MLPH: variants seen among roughly 807,000 people sequenced by gnomAD.
The protein encoded by MLPH is melanophilin.
In MLPH, 51 loss-of-function variants were observed where a neutral mutation model predicts 72.1. The observed-to-expected ratio is 0.71, with a 90% CI of 0.56 to 0.89. The LOEUF is 0.89. Ranked by LOEUF, MLPH falls within the 40% of genes least tolerant of loss-of-function variation. The pLI, the probability that MLPH is intolerant of heterozygous loss-of-function variation, is 0.00. For synonymous variants in MLPH, 301 were observed against 310.1 expected (o/e 0.97, Z 0.31); for missense variants, 743 against 759.9 (o/e 0.98, Z 0.26).
intron 5 of MLPH, 79 bp from the exon 6 acceptor site, chr2:237,519,831 T>C (rs1462603046): frequency 1.5e-5 from 24 of 1,604,498 alleles, no homozygotes; most frequent in Non-Finnish European, 8.5e-7. Context: ...GAGTGTGGGG[T>C]TGGGGAGGTG....
chr2:237,551,264 C>T (rs1428129741), intron 14 of MLPH, among the ~76,000 whole-genome samples: 2 of 152,252 alleles, frequency 1.3e-5, no homozygotes, highest in African/African-American at 2.4e-5. Flanking sequence ...GGAGGGCCGG[C>T]AGGCCAGGCC....
intron 4 of MLPH, among the ~76,000 whole-genome samples, chr2:237,513,730 G>A (rs1270527837): frequency 6.6e-6 from 1 of 151,974 alleles, no homozygotes. Flanking sequence ...TGACAGGTGG[G>A]TCCCCAGGCC....
intron 8 of MLPH, among the ~76,000 whole-genome samples, chr2:237,533,834 G>C (rs2080476134): frequency 1.3e-5 from 2 of 152,228 alleles, no homozygotes; most frequent in South Asian, 4.1e-4. Context: ...TGTTCTTCGG[G>C]CAGATTTGCC....
intron 6 of MLPH, 69 bp downstream of exon 6, chr2:237,520,098 G>C: frequency 6.2e-7 from 1 of 1,604,736 alleles, no homozygotes; most frequent in Non-Finnish European, 8.5e-7. Context: ...CAGGCCCCAG[G>C]TGAGGGACAG....
At chr2:237,498,558 G>A (rs1443049211) in intron 2 of MLPH, among the ~76,000 whole-genome samples, 1 of 152,210 alleles carries the variant, frequency 6.6e-6, no homozygotes, top group Non-Finnish European at 1.5e-5. Context: ...CCTTGGCCAG[G>A]CCTGCCCCTC....
intron 4 of MLPH, chr2:237,517,931 G>A (rs2080085805): frequency 5.5e-6 from 1 of 180,350 alleles, no homozygotes; most frequent in African/African-American, 2.4e-5. Context: ...AGATGGGTAG[G>A]TGGATGAGTA....
At chr2:237,520,499 A>G (rs1425849692) in intron 6 of MLPH, among the ~76,000 whole-genome samples, 2 of 152,210 alleles carry the variant, frequency 1.3e-5, no homozygotes, top group African/African-American at 2.4e-5. Context: ...ATTAATGATC[A>G]CACCTAGACA....
At chr2:237,519,052 C>T (rs1169061180) in intron 5 of MLPH, among the ~76,000 whole-genome samples, 2 of 151,370 alleles carry the variant, frequency 1.3e-5, no homozygotes, top group Non-Finnish European at 2.9e-5. Context: ...TCCTCTAAGA[C>T]CTTTTCTCCT....
At chr2:237,535,532 C>G (rs935292161) in intron 9 of MLPH, among the ~76,000 whole-genome samples, 4 of 152,030 alleles carry the variant, frequency 2.6e-5, no homozygotes, top group South Asian at 2.1e-4. Flanking sequence ...GACAGGCAGA[C>G]AGACAGCCGG....
rs761049775 is a variant in MLPH at position 237,510,700 on chromosome 2, G to A, written c.237G>A (p.Arg79=). Residue 79 remains arginine, a synonymous_variant, in exon 3 of 16, where the codon AGG becomes AGA. Coordinates refer to ENST00000264605, the MANE Select transcript of MLPH (RefSeq NM_024101.7). This position sits in a 1 kb window ranked among gnomAD's most constrained non-coding sequence, Gnocchi z 4.4. ...QPYQLLVNSK[R]QCLECGLFTC... is the part of the protein sequence containing the mutation. ...ACCAGCTGCTTGTGAATAGCAAAAGGCAGTGCCTGGAATGTGGCCTCTTCA... is the reference window on the plus strand; with the variant it reads ...ACCAGCTGCTTGTGAATAGCAAAAGACAGTGCCTGGAATGTGGCCTCTTCA... The A allele has an allele frequency of 8.7e-6, 14 of 1,613,742 alleles. No homozygotes were observed. In the South Asian group the frequency reaches 1.5e-4, roughly 18 times the overall value.
rs2079858315 is a variant in MLPH, at chr2:237,510,120, T to A, written c.111-454T>A. 1 of 247,354 alleles carries A rather than the reference T, an allele frequency of 4.0e-6. No individual in the cohort carries two copies. Among genetic ancestry groups the A allele is most frequent in the African/African-American group, 2.3e-5 (1 of 44,386 alleles). 15.3% of individuals were successfully genotyped at this position (247,354 alleles called of 1,614,324 possible). A position where few individuals can be genotyped will look rare whatever the true frequency, so the allele number is the denominator to read the frequency against. Reference sequence around the variant, plus strand: ...TGCTCTGGAAACTCACCGAGCCATTTCAGCTGCGCTCTAGAGGAGCAAACC... The same window carrying A: ...TGCTCTGGAAACTCACCGAGCCATTACAGCTGCGCTCTAGAGGAGCAAACC... On this transcript the variant is annotated intron_variant, in intron 2 of 15. Transcript: ENST00000264605. This position sits in a 1 kb window ranked among gnomAD's most constrained non-coding sequence, Gnocchi z 4.4.
chr2:237,533,102 T>C (rs1319796624), intron 8 of MLPH, among the ~76,000 whole-genome samples: 5 of 152,190 alleles, frequency 3.3e-5, no homozygotes, highest in African/African-American at 1.2e-4. Flanking sequence ...GTGTTGGCTT[T>C]AACCCTAAGA....
At chr2:237,517,842 G>T (rs1559351882) in intron 4 of MLPH, among the ~76,000 whole-genome samples, 2 of 150,592 alleles carry the variant, frequency 1.3e-5, no homozygotes, top group East Asian at 3.9e-4. Context: ...AAGGAGAGAG[G>T]CATGGGTGGT....
intron 4 of MLPH, 92 bp downstream of exon 4, chr2:237,511,193 C>CGT: frequency 3.3e-5 from 31 of 949,070 alleles, no homozygotes; most frequent in East Asian, 4.9e-5. Context: ...TGTGTGTGTA[C>CGT]GTGTGTGTGT....
chr2:237,496,064 G>A lies in MLPH; in HGVS notation c.110+2528G>A, dbSNP rs111502652. On this transcript the variant is annotated intron_variant, in intron 2 of 15. Transcript: ENST00000264605. ...CAGCAATCCCTGCGTCAGCTTTGGC[G>A]TTCAGGCTGTGCCAAGGGCAGAACA... is the stretch of plus-strand genomic sequence containing the variant. Among the ~76,000 whole-genome samples, 212 of 152,270 alleles carry A rather than the reference G, an allele frequency of 1.4e-3. 3 individuals carry two copies. The highest frequency in any genetic ancestry group is 4.6e-3 in the African/African-American group (191 of 41,544).
intron 1 of MLPH, among the ~76,000 whole-genome samples, chr2:237,491,581 A>C (rs1364688049): frequency 6.6e-6 from 1 of 152,232 alleles, no homozygotes; most frequent in Non-Finnish European, 1.5e-5. Flanking sequence ...CCAACTGTTA[A>C]GGGGTATAAA....
At position 237,527,417 on chromosome 2, in the gene MLPH, C is replaced by T. The variant is rs777970535; in HGVS notation, c.921C>T (p.Tyr307=). Residue 307 remains tyrosine (Y), a synonymous_variant, in exon 8 of 16, where the codon TAC becomes TAT. Coordinates refer to ENST00000264605, the MANE Select transcript of MLPH (RefSeq NM_024101.7). ...GGAATGAGCAGCTGCCCCTGCAGTA[C>T]TTGGCCGATGTGGACACCTCTGATG... is the stretch of plus-strand genomic sequence containing the variant. The part of the protein sequence containing the change: ...VIRNEQLPLQ[Y]LADVDTSDEE... 2.5e-6 allele frequency: 4 copies of T among 1,614,096 alleles called. No homozygotes were observed. Among genetic ancestry groups the T allele is most frequent in the Non-Finnish European group, 3.4e-6 (4 of 1,180,056 alleles).
rs145624755 is a variant in MLPH, at chr2:237,510,483, CTG to C, written c.111-79_111-78del. The C allele has an allele frequency of 1.5e-3, 1,695 of 1,105,904 alleles. No individual in the cohort carries two copies. Among genetic ancestry groups the C allele is most frequent in the East Asian group, 3.3e-3 (129 of 38,904 alleles). The allele number at this position is 1,105,904 out of a possible 1,614,324, so 68.5% of individuals were successfully genotyped here. A position where few individuals can be genotyped will look rare whatever the true frequency, so the allele number is the denominator to read the frequency against. On this transcript the variant is annotated intron_variant, in intron 2 of 15. Coordinates refer to ENST00000264605, the MANE Select transcript of MLPH (RefSeq NM_024101.7). The surrounding 1 kb of genome is among the most constrained non-coding windows in gnomAD (Gnocchi z 4.4). ...ACTGTGTGTGTGTATGTGTCTGTGT[CTG>C]TGTGTGTGTGTATGTACGTGTACAC... is the stretch of plus-strand genomic sequence containing the variant.
Position 237,540,531 on chromosome 2 carries a change from G to T in MLPH, c.1288G>T (p.Glu430Ter), listed in dbSNP as rs2080653466. Residue 430 changes from glutamate (E) to a stop codon, truncating the protein, a stop_gained and splice_region_variant, in exon 10 of 16, where the codon GAG (glutamate) becomes TAG (stop). Transcript: ENST00000264605. LOFTEE classifies it high-confidence loss of function. Reference sequence around the variant, plus strand: ...TGGGCCTCTCCCCCAGGCGGACCCGGAGGTAAGACTATCCCCCAGAGGTCT... The same window carrying T: ...TGGGCCTCTCCCCCAGGCGGACCCGTAGGTAAGACTATCCCCCAGAGGTCT... ...SVGPLPQADP[E>*]VGTAAHQTNR... 1 of 1,610,246 alleles carries T rather than the reference G, an allele frequency of 6.2e-7. No homozygotes were observed. The highest frequency in any genetic ancestry group is 8.5e-7 in the Non-Finnish European group (1 of 1,179,410).
Sources: allele counts gnomAD v4.1 joint callset (sites outside exome capture counted in the v4.1 genomes callset), GRCh38; gene constraint gnomAD v4.1.1; non-coding constraint Gnocchi (gnomAD v3.1); transcripts MANE v1.5; gene names NCBI Gene and HGNC (gene_info 2026-07-23, HGNC 2026-07-21).